NCOR1: variants seen among roughly 807,000 people sequenced by gnomAD.
NCOR1 encodes nuclear receptor corepressor 1.
NCOR1 carries 63 observed loss-of-function variants against 288.1 expected under a neutral mutation model. That is an observed-to-expected ratio of 0.22 (90% CI 0.18 to 0.27). The LOEUF is 0.27. Ranked by LOEUF, NCOR1 falls within the 10% of genes least tolerant of loss-of-function variation. NCOR1 has a pLI of 1.00. For synonymous variants in NCOR1, 1,007 were observed against 1,065.9 expected, an observed-to-expected ratio of 0.94 and a Z score of 1.08; for missense variants, 2,397 against 3,019.2, an observed-to-expected ratio of 0.79 and a Z score of 4.83.
chr17:16,137,842 T>C lies in NCOR1; in HGVS notation c.1407+316A>G, dbSNP rs2076636570. On this transcript the variant is annotated intron_variant, in intron 13 of 45. Transcript: ENST00000268712. ...CATGCTAATCTCTGCATCGTTCCAATTTTAGTATTATGTGCTGCTGAAGCG... is the reference window on the plus strand; with the variant it reads ...CATGCTAATCTCTGCATCGTTCCAACTTTAGTATTATGTGCTGCTGAAGCG... 1.5e-5 allele frequency: 4 copies of C among 275,604 alleles called. No individual in the cohort carries two copies. In the East Asian group the frequency reaches 2.9e-4, roughly 20 times the overall value. 17.1% of individuals were successfully genotyped at this position (275,604 alleles called of 1,614,324 possible).
chr17:16,143,447 C>G (rs1263513994), intron 11 of NCOR1, among the ~76,000 whole-genome samples, 159 bp downstream of exon 11: 1 of 152,202 alleles, frequency 6.6e-6, no homozygotes, highest in Non-Finnish European at 1.5e-5. Flanking sequence ...GTGACTGCCT[C>G]GTTTAAAAAC....
At chr17:16,070,549 A>G in intron 30 of NCOR1, 24 bp from the exon 31 acceptor site, 1 of 1,601,784 alleles carries the variant, frequency 6.2e-7, no homozygotes, top group Non-Finnish European at 8.5e-7. Context: ...AACAAACATT[A>G]CAGGTAGCAA....
chr17:16,075,393 T>C, intron 27 of NCOR1, 141 bp downstream of exon 27: 1 of 879,074 alleles, frequency 1.1e-6, no homozygotes, highest in South Asian at 1.7e-5. Context: ...AGACAAGTAT[T>C]ACTAACCCCA....
chr17:16,045,752 C>T (rs1005193086), intron 42 of NCOR1, among the ~76,000 whole-genome samples: 2 of 152,248 alleles, frequency 1.3e-5, no homozygotes, highest in African/African-American at 4.8e-5. Flanking sequence ...GTGATCAACC[C>T]GTCTTGGCCT....
intron 19 of NCOR1, among the ~76,000 whole-genome samples, chr17:16,106,175 A>G (rs1035103285): frequency 6.6e-6 from 1 of 152,146 alleles, no homozygotes; most frequent in African/African-American, 2.4e-5. Flanking sequence ...AAAGCATTGA[A>G]AAGCTAACAA....
intron 17 of NCOR1, among the ~76,000 whole-genome samples, chr17:16,118,989 A>G (rs1455061545): frequency 6.6e-6 from 1 of 152,232 alleles, no homozygotes; most frequent in Admixed American, 6.5e-5. Context: ...CTAGTGGTTT[A>G]TAATTACATG....
At chr17:16,144,224 A>G (rs2077534395) in intron 10 of NCOR1, among the ~76,000 whole-genome samples, 2 of 152,248 alleles carry the variant, frequency 1.3e-5, no homozygotes, top group African/African-American at 4.8e-5. Context: ...ATTGGCCATC[A>G]GCTGAATATA....
chr17:16,138,014 T>G (rs2076667948), intron 13 of NCOR1, 144 bp downstream of exon 13: 2 of 583,166 alleles, frequency 3.4e-6, no homozygotes, highest in Admixed American at 6.9e-5. Context: ...TAATTGTAAT[T>G]ATCATTACAT....
intron 6 of NCOR1, among the ~76,000 whole-genome samples, chr17:16,154,349 T>C (rs2079364568): frequency 6.6e-6 from 1 of 152,200 alleles, no homozygotes; most frequent in Non-Finnish European, 1.5e-5. Context: ...CAGATAGAAG[T>C]AAATAATTCT....
chr17:16,183,469 A>G (rs1198475331), intron 3 of NCOR1, among the ~76,000 whole-genome samples: 4 of 152,000 alleles, frequency 2.6e-5, no homozygotes, highest in Non-Finnish European at 4.4e-5. Flanking sequence ...GAAATCAAGG[A>G]AACAATTTAT....
chr17:16,062,024 ATACTT>A lies in NCOR1; in HGVS notation c.5387+76_5387+80del, dbSNP rs1247508600. On this transcript the variant is annotated intron_variant, in intron 36 of 45. Transcript: ENST00000268712. ...ATGGCATGGGCAGAAAAGCATGACT[ATACTT>A]AGACTATTGCAGTCACAAATTTTAA... 3 of 1,586,798 alleles carry A rather than the reference ATACTT, an allele frequency of 1.9e-6. No individual in the cohort carries two copies. The East Asian group carries it at 6.7e-5, about 35-fold the overall frequency.
At chr17:16,096,312 AT>A (rs1322358609) in intron 21 of NCOR1, among the ~76,000 whole-genome samples, 1 of 152,198 alleles carries the variant, frequency 6.6e-6, no homozygotes, top group African/African-American at 2.4e-5. Context: ...TAAAAAAAAA[AT>A]AAAATAAAGA....
intron 36 of NCOR1, 74 bp downstream of exon 36, chr17:16,062,031 G>A (rs1027081220): frequency 1.9e-6 from 3 of 1,590,676 alleles, no homozygotes; most frequent in African/African-American, 2.7e-5. Flanking sequence ...ACTATACTTA[G>A]ACTATTGCAG....
chr17:16,138,293 A>G (rs558240922), intron 12 of NCOR1, 81 bp from the exon 13 acceptor site: 73 of 1,263,508 alleles, frequency 5.8e-5, no homozygotes, highest in Middle Eastern at 1.9e-4. Context: ...GAAAAGAAAG[A>G]CTATGTATAG....
Position 16,064,871 on chromosome 17 carries a change from T to C in NCOR1, c.5100A>G (p.Pro1700=), listed in dbSNP as rs769188516. 6.2e-7 allele frequency: 1 copy of C among 1,608,834 alleles called. No homozygotes were observed. The highest frequency in any genetic ancestry group is 8.5e-7 in the Non-Finnish European group (1 of 1,176,744). The change falls in exon 34 of 46, where the codon CCA becomes CCG. Residue 1700 remains proline (P), a splice_region_variant and synonymous_variant. Transcript: ENST00000268712. Reference sequence around the variant, plus strand: ...AGGTGTGTAACTGTACAATCTCACCTGGAGACATGGAAGCAGAGTTGTACG... The same window carrying C: ...AGGTGTGTAACTGTACAATCTCACCCGGAGACATGGAAGCAGAGTTGTACG... ...PRPYNSASMS[P]GHPTHLAAAA...
chr17:16,115,922 G>A (rs895086635), intron 18 of NCOR1, among the ~76,000 whole-genome samples: 1 of 152,108 alleles, frequency 6.6e-6, no homozygotes, highest in Non-Finnish European at 1.5e-5. Context: ...CCAATTTATT[G>A]TATTAGTCCG....
intron 18 of NCOR1, among the ~76,000 whole-genome samples, chr17:16,113,226 T>A (rs2153087197): frequency 6.6e-6 from 1 of 152,050 alleles, no homozygotes; most frequent in Middle Eastern, 3.4e-3. Context: ...AGAATTTATT[T>A]TTTTAATGAA....
intron 6 of NCOR1, 98 bp downstream of exon 6, chr17:16,158,662 T>C: frequency 1.5e-6 from 1 of 647,078 alleles, no homozygotes; most frequent in Non-Finnish European, 2.5e-6. Context: ...AATCAGGTTT[T>C]AATAAAGTTA....
At chr17:16,039,364 C>T in intron 44 of NCOR1, 69 bp downstream of exon 44, 1 of 1,436,580 alleles carries the variant, frequency 7.0e-7, no homozygotes, top group South Asian at 1.2e-5. Flanking sequence ...AGTGATGCAT[C>T]AGAATTTGGG....
Sources: allele counts gnomAD v4.1 joint callset (sites outside exome capture counted in the v4.1 genomes callset), GRCh38; gene constraint gnomAD v4.1.1; transcripts MANE v1.5; gene names NCBI Gene and HGNC (gene_info 2026-07-23, HGNC 2026-07-21).